TM6SF2: variants seen among roughly 807,000 people sequenced by gnomAD.
The protein encoded by TM6SF2 is transmembrane 6 superfamily member 2.
A neutral mutation model predicts 41.0 loss-of-function variants in TM6SF2; 29 were observed. The ratio of observed to expected loss-of-function variants is 0.71; its 90% confidence interval spans 0.53 to 0.96. The LOEUF (loss-of-function observed/expected upper bound fraction) is 0.96, where lower values mean the gene tolerates loss of function less well. Ranked by LOEUF, TM6SF2 falls within the 50% of genes least tolerant of loss-of-function variation. The pLI is 0.00. For synonymous variants in TM6SF2, 200 were observed against 209.1 expected (o/e 0.96, Z 0.37); for missense variants, 475 against 499.0 (o/e 0.95, Z 0.46).
At chr19:19,270,638 A>G (rs1035401153) in intron 2 of TM6SF2, among the ~76,000 whole-genome samples, 196 bp from the exon 3 acceptor site, 1 of 152,128 alleles carries the variant, frequency 6.6e-6, no homozygotes, top group African/African-American at 2.4e-5. Context: ...CTGATGGAGG[A>G]GACACAGCCT....
rs1294315862 is a variant in TM6SF2 at position 19,264,515 on chromosome 19, A to C, written c.*149T>G. The C allele has an allele frequency of 2.3e-5, 14 of 601,226 alleles. No homozygotes were observed. The highest frequency in any genetic ancestry group is 3.5e-5 in the Non-Finnish European group (14 of 397,398). 37.2% of individuals were successfully genotyped at this position (601,226 alleles called of 1,614,324 possible). ...CAGGAACACTTGGTCGTTGGTCTCC[A>C]TCCCACCCACTGGACTGAAACTACC... On this transcript the variant is annotated 3_prime_UTR_variant, in exon 10 of 10. Transcript: ENST00000389363.
At chr19:19,272,692 G>GGTGGGTGT (rs1555786938) in intron 1 of TM6SF2, among the ~76,000 whole-genome samples, 1 of 136,750 alleles carries the variant, frequency 7.3e-6, no homozygotes, top group African/African-American at 2.8e-5. Context: ...AATGGAGTAG[G>GGTGGGTGT]GTGTGTGTGT....
chr19:19,270,059 A>G (rs2061017351), intron 4 of TM6SF2, 114 bp downstream of exon 4: 3 of 1,549,720 alleles, frequency 1.9e-6, no homozygotes, highest in Non-Finnish European at 2.6e-6. Context: ...AGCCCTAGAG[A>G]GGCGTCCTGA....
chr19:19,273,205 G>C lies in TM6SF2; in HGVS notation c.11C>G (p.Pro4Arg). 1 of 1,444,308 alleles carries C rather than the reference G, an allele frequency of 6.9e-7. No individual in the cohort carries two copies. Among genetic ancestry groups the C allele is most frequent in the East Asian group, 3.0e-5 (1 of 33,164 alleles). The allele number at this position is 1,444,308 out of a possible 1,614,324, so 89.5% of individuals were successfully genotyped here. Residue 4 changes from proline to arginine, a missense_variant, in exon 1 of 10, where the codon CCG becomes CGG. By Grantham distance (103) the Pro-to-Arg change is moderately radical (BLOSUM62 -2). This residue lies in a region of TM6SF2 where 238 missense variants were observed against 228.6 expected (regional missense o/e 1.04). Coordinates refer to ENST00000389363, the MANE Select transcript of TM6SF2 (RefSeq NM_001001524.3). MDI[P>R]PLAGKIAALS... ...CGCCGCGATCTTGCCGGCCAGCGGC[G>C]GGATGTCCATAGCGGCGGCTGCTGG...
At chr19:19,270,484 A>G (rs2061019749) in intron 2 of TM6SF2, 42 bp from the exon 3 acceptor site, 3 of 1,579,218 alleles carry the variant, frequency 1.9e-6, no homozygotes, top group Non-Finnish European at 2.6e-6. Context: ...GGGAGGGGAC[A>G]CGTGTGGGTG....
chr19:19,271,822 C>T lies in TM6SF2; in HGVS notation c.96-697G>A, dbSNP rs112783153. Among the ~76,000 whole-genome samples, 37 of 152,322 alleles carry T rather than the reference C, an allele frequency of 2.4e-4. 1 individual carries two copies. The South Asian group carries it at 2.9e-3, about 12-fold the overall frequency. ...CTAGGATTACAGGCATGAGCCACCA[C>T]GCCTGGCCTGCCCCTTCTGACTTTA... On this transcript the variant is annotated intron_variant, in intron 1 of 9. Coordinates refer to ENST00000389363, the MANE Select transcript of TM6SF2 (RefSeq NM_001001524.3).
intron 1 of TM6SF2, among the ~76,000 whole-genome samples, chr19:19,271,720 G>A (rs1257820399): frequency 2.6e-5 from 4 of 151,868 alleles, no homozygotes; most frequent in African/African-American, 9.7e-5. Flanking sequence ...TAGTAGAGAC[G>A]GGGTTTCACC....
At chr19:19,267,486 T>A (rs2061007354) in intron 8 of TM6SF2, 135 bp downstream of exon 8, 4 of 592,398 alleles carry the variant, frequency 6.8e-6, no homozygotes, top group Non-Finnish European at 1.2e-5. Flanking sequence ...ACCACATCTG[T>A]CCTTTTTTGG....
At chr19:19,264,911 G>T in intron 9 of TM6SF2, 38 bp from the exon 10 acceptor site, 1 of 1,447,428 alleles carries the variant, frequency 6.9e-7, no homozygotes, top group Non-Finnish European at 9.2e-7. Flanking sequence ...TCAGGGGCCA[G>T]GAAGGAACTG....
rs1369117254 is a variant in TM6SF2 at position 19,264,703 on chromosome 19, T to A, written c.1095A>T (p.Pro365=). The A allele has an allele frequency of 3.8e-6, 6 of 1,581,874 alleles. No homozygotes were observed. Among genetic ancestry groups the A allele is most frequent in the Admixed American group, 1.8e-5 (1 of 56,914 alleles). ...LQWPAFFHQP[P]PSDPLALHKK... The stretch of plus-strand genomic sequence containing the variant: ...TGTGGAGGGCTAGGGGGTCGGAGGG[T>A]GGTGGCTGGTGGAAGAATGCGGGCC... Residue 365 remains proline (P), a synonymous_variant, in exon 10 of 10, where the codon CCA becomes CCT. Transcript: ENST00000389363.
rs374741086 is a variant in TM6SF2 at position 19,266,955 on chromosome 19, T to C, written c.805-346A>G. 6.6e-5 allele frequency among the ~76,000 whole-genome samples: 10 copies of C among 151,724 alleles called. No individual in the cohort carries two copies. The East Asian group carries it at 9.7e-4, about 15-fold the overall frequency. ...TAAGACTTGTGCTTAAGCTCGGGGGTAATAAGGGCTCACATTGCTCTGGGG... is the reference window on the plus strand; with the variant it reads ...TAAGACTTGTGCTTAAGCTCGGGGGCAATAAGGGCTCACATTGCTCTGGGG... On this transcript the variant is annotated intron_variant, in intron 8 of 9. Transcript: ENST00000389363.
At chr19:19,271,636 T>C (rs1382042533) in intron 1 of TM6SF2, among the ~76,000 whole-genome samples, 1 of 152,152 alleles carries the variant, frequency 6.6e-6, no homozygotes, top group African/African-American at 2.4e-5. Context: ...GTTCAGGCGA[T>C]TATCCTGCCT....
At chr19:19,272,769 C>T (rs1230615078) in intron 1 of TM6SF2, among the ~76,000 whole-genome samples, 3 of 150,606 alleles carry the variant, frequency 2.0e-5, no homozygotes, top group Non-Finnish European at 3.0e-5. Flanking sequence ...TGGGACAATA[C>T]TTTTACCCTT....
At chr19:19,271,512 T>C (rs111364160) in intron 1 of TM6SF2, among the ~76,000 whole-genome samples, 3 of 113,144 alleles carry the variant, frequency 2.7e-5, no homozygotes, top group African/African-American at 8.1e-5. Context: ...TTCTTTCTTT[T>C]TTTCTTTTTC....
At chr19:19,267,958 A>AGACCAACC in intron 7 of TM6SF2, 28 bp downstream of exon 7, 3 of 1,545,462 alleles carry the variant, frequency 1.9e-6, no homozygotes, top group Non-Finnish European at 2.7e-6. Context: ...GTGGCAGGGG[A>AGACCAACC]GGGGGAGACC....
chr19:19,269,338 C>T lies in TM6SF2; in HGVS notation c.484+349G>A, dbSNP rs79300864. 5.2e-3 allele frequency among the ~76,000 whole-genome samples: 797 copies of T among 152,252 alleles called. 1 individual carries two copies. Among genetic ancestry groups the T allele is most frequent in the Non-Finnish European group, 8.3e-3 (566 of 68,002 alleles). On this transcript the variant is annotated intron_variant, in intron 5 of 9. Transcript: ENST00000389363. Reference sequence around the variant, plus strand: ...GCTGAGGTTTTGCCATGCCAACCTCCCAGACTGCCTTCACTGCTCTACCTC... The same window carrying T: ...GCTGAGGTTTTGCCATGCCAACCTCTCAGACTGCCTTCACTGCTCTACCTC...
chr19:19,267,995 GA>G lies in TM6SF2; in HGVS notation c.701del (p.Phe234SerfsTer37). 5.0e-6 allele frequency: 8 copies of G among 1,611,352 alleles called. No homozygotes were observed. The highest frequency in any genetic ancestry group is 5.9e-6 in the Non-Finnish European group (7 of 1,177,948). On this transcript the variant is annotated frameshift_variant, in exon 7 of 10. Transcript: ENST00000389363. LOFTEE classifies it high-confidence loss of function. ...ACCAGCGCAGACTCACCAGGCCCCG[GA>G]ACAGAGTGAAGAAGCCAGCAAGGAT... ...YLILAGFFTL[F>X]RGLVVLDCPT... is the part of the protein sequence containing the mutation.
chr19:19,271,496 T>TTCTC (rs1411615447), intron 1 of TM6SF2, among the ~76,000 whole-genome samples: 1 of 118,924 alleles, frequency 8.4e-6, no homozygotes, highest in African/African-American at 4.1e-5. Context: ...CTCTTTTCTT[T>TTCTC]TCTCTTTCTT....
In TM6SF2 at chr19:19,267,650, G is replaced by T. The variant is rs777516403; in HGVS notation, c.775C>A (p.Arg259=). The T allele has an allele frequency of 6.2e-7, 1 of 1,613,780 alleles. No homozygotes were observed. Among genetic ancestry groups the T allele is most frequent in the Non-Finnish European group, 8.5e-7 (1 of 1,179,866 alleles). ...VYIYQYEPYL[R]DPVAYPKVQM... ...ACCTTAGGGTAGGCCACAGGGTCCC[G>T]CAGGTATGGCTCATACTGGTAGATA... Residue 259 remains arginine, a synonymous_variant, in exon 8 of 10, where the codon CGG becomes AGG. Transcript: ENST00000389363.
Sources: allele counts gnomAD v4.1 joint callset (sites outside exome capture counted in the v4.1 genomes callset), GRCh38; gene constraint gnomAD v4.1.1; regional missense constraint gnomAD v4.1.1; transcripts MANE v1.5; gene names NCBI Gene and HGNC (gene_info 2026-07-23, HGNC 2026-07-21).